GPD1L: variants seen among roughly 807,000 people sequenced by gnomAD.
The protein encoded by GPD1L is glycerol-3-phosphate dehydrogenase 1-like protein.
Under a neutral mutation model 32.9 loss-of-function variants are expected in GPD1L, and 17 were observed. The ratio of observed to expected loss-of-function variants is 0.52; its 90% CI spans 0.35 to 0.78. The LOEUF (loss-of-function observed/expected upper bound fraction) is 0.78. Ranked by LOEUF, GPD1L falls within the 30% of genes least tolerant of loss-of-function variation. The pLI is 0.01. For missense variants in GPD1L, 361 were observed against 447.8 expected (o/e 0.81, Z 1.75); for synonymous variants, 187 against 165.9 (o/e 1.13, Z -0.98).
In GPD1L at chr3:32,166,629, A is replaced by C. The variant is rs11923184; in HGVS notation, c.*719A>C. ...TGGCACATTCTTCTGATTAACAGAC[A>C]CTTGTATGATGCTTTAGGCTAGTTA... On this transcript the variant is annotated 3_prime_UTR_variant, in exon 8 of 8. Coordinates refer to ENST00000282541, the MANE Select transcript of GPD1L (RefSeq NM_015141.4). 0.098 allele frequency: 15,093 copies of C among 153,382 alleles called. 824 individuals carry two copies. Among genetic ancestry groups the C allele is most frequent in the South Asian group, 0.12 (566 of 4,880 alleles). The allele number at this position is 153,382 out of a possible 1,614,324, so 9.5% of individuals were successfully genotyped here.
chr3:32,131,355 T>C (rs1700585321), intron 2 of GPD1L, among the ~76,000 whole-genome samples: 1 of 152,192 alleles, frequency 6.6e-6, no homozygotes, highest in South Asian at 2.1e-4. Context: ...TTTTAACACA[T>C]TTTCATCACC....
intron 4 of GPD1L, among the ~76,000 whole-genome samples, 179 bp from the exon 5 acceptor site, chr3:32,146,443 A>G (rs1392295790): frequency 6.6e-6 from 1 of 152,154 alleles, no homozygotes; most frequent in Non-Finnish European, 1.5e-5. Flanking sequence ...ATTGTAAATG[A>G]TCACCTCGAT....
At chr3:32,152,796 C>G (rs1309933103) in intron 5 of GPD1L, among the ~76,000 whole-genome samples, 2 of 149,340 alleles carry the variant, frequency 1.3e-5, no homozygotes, top group African/African-American at 5.0e-5. Flanking sequence ...GCATCAATGT[C>G]ACATCTACCT....
At chr3:32,138,779 C>G in intron 3 of GPD1L, 52 bp downstream of exon 3, 1 of 1,550,470 alleles carries the variant, frequency 6.4e-7, no homozygotes, top group Non-Finnish European at 8.9e-7. Flanking sequence ...CAGGAAATTT[C>G]ATTTCCTCAC....
chr3:32,136,976 A>G (rs141097708), intron 2 of GPD1L, among the ~76,000 whole-genome samples: 1,672 of 152,344 alleles, frequency 0.011, 8 homozygotes, highest in Non-Finnish European at 0.017. Flanking sequence ...TGTAGCTGCA[A>G]GGACTGCTGG....
At chr3:32,119,311 A>G (rs929437691) in intron 1 of GPD1L, among the ~76,000 whole-genome samples, 10 of 152,230 alleles carry the variant, frequency 6.6e-5, no homozygotes, top group Non-Finnish European at 1.2e-4. Flanking sequence ...TAGCCATCTA[A>G]GTGGATCTGA....
chr3:32,116,078 G>A (rs1055169346), intron 1 of GPD1L, among the ~76,000 whole-genome samples: 2 of 151,992 alleles, frequency 1.3e-5, no homozygotes, highest in South Asian at 2.1e-4. Flanking sequence ...GTGAGCCACC[G>A]TGCCCGGCCA....
intron 2 of GPD1L, among the ~76,000 whole-genome samples, chr3:32,129,168 T>C (rs888460195): frequency 8.5e-5 from 13 of 152,156 alleles, no homozygotes; most frequent in African/African-American, 3.1e-4. Flanking sequence ...AAACAGACAG[T>C]TGTGGCTGTC....
At chr3:32,121,222 C>G (rs570988800) in intron 1 of GPD1L, among the ~76,000 whole-genome samples, 43 of 151,948 alleles carry the variant, frequency 2.8e-4, no homozygotes, top group Non-Finnish European at 5.3e-4. Context: ...CTTGCACTGT[C>G]TCCTCTTCTC....
intron 4 of GPD1L, 26 bp from the exon 5 acceptor site, chr3:32,146,596 A>T: frequency 7.8e-7 from 1 of 1,275,458 alleles, no homozygotes; most frequent in Non-Finnish European, 1.1e-6. Context: ...TGTTATTAAT[A>T]TCCTTGTTGT....
chr3:32,121,549 A>C lies in GPD1L; in HGVS notation c.48-6527A>C, dbSNP rs1343410141. Among the ~76,000 whole-genome samples, 52 of 135,912 alleles carry C rather than the reference A, an allele frequency of 3.8e-4. 6 individuals are homozygous for C. In the East Asian group the frequency reaches 4.2e-3, roughly 11 times the overall value. 89.2% of individuals were successfully genotyped at this position (135,912 alleles called of 152,430 possible). A position where few individuals can be genotyped will look rare whatever the true frequency, so the allele number is the denominator to read the frequency against. On this transcript the variant is annotated intron_variant, in intron 1 of 7. Transcript: ENST00000282541. ...TATATATTTCTATGTATATATTTCTATATATATATTTCTATGTATATATTT... is the reference window on the plus strand; with the variant it reads ...TATATATTTCTATGTATATATTTCTCTATATATATTTCTATGTATATATTT...
chr3:32,116,270 A>G (rs1030163320), intron 1 of GPD1L, among the ~76,000 whole-genome samples: 8 of 152,234 alleles, frequency 5.3e-5, no homozygotes, highest in South Asian at 2.1e-4. Flanking sequence ...ATAAATTTGC[A>G]TTATCACATA....
intron 2 of GPD1L, among the ~76,000 whole-genome samples, chr3:32,133,697 G>A (rs145515157): frequency 1.5e-3 from 222 of 152,240 alleles, no homozygotes; most frequent in African/African-American, 5.3e-3. Flanking sequence ...CCATAAAATA[G>A]CATCTTTGGA....
chr3:32,123,851 T>C lies in GPD1L; in HGVS notation c.48-4225T>C, dbSNP rs111877551. Among the ~76,000 whole-genome samples the C allele has an allele frequency of 8.9e-3, 1,094 of 122,978 alleles. 5 individuals are homozygous for C. Among genetic ancestry groups the C allele is most frequent in the Middle Eastern group, 0.023 (5 of 218 alleles). The allele number at this position is 122,978 out of a possible 152,430, so 80.7% of individuals were successfully genotyped here. A position where few individuals can be genotyped will look rare whatever the true frequency, so the allele number is the denominator to read the frequency against. On this transcript the variant is annotated intron_variant, in intron 1 of 7. Coordinates refer to ENST00000282541, the MANE Select transcript of GPD1L (RefSeq NM_015141.4). ...ATAGATAGATAGATAGACAGACAGA[T>C]AAGACCCATGCCTGACTATGCTTGT...
At chr3:32,109,938 G>GAAA (rs1382344842) in intron 1 of GPD1L, among the ~76,000 whole-genome samples, 5 of 152,242 alleles carry the variant, frequency 3.3e-5, no homozygotes, top group African/African-American at 1.2e-4. Flanking sequence ...TTTTTCTTGA[G>GAAA]ACGGAGTCTC....
intron 5 of GPD1L, chr3:32,151,148 G>A (rs1700914224): frequency 3.7e-6 from 2 of 547,704 alleles, no homozygotes; most frequent in Non-Finnish European, 7.1e-6. Context: ...TTCCCACAAA[G>A]TGCGCTTCTC....
intron 5 of GPD1L, among the ~76,000 whole-genome samples, chr3:32,152,874 C>T (rs1575120296): frequency 6.6e-6 from 1 of 150,754 alleles, no homozygotes; most frequent in South Asian, 2.1e-4. Context: ...ACAAAGAGCA[C>T]GTGGCAGCTA....
At position 32,142,429 on chromosome 3, in the gene GPD1L, T is replaced by A. The variant is rs540015444; in HGVS notation, c.505+2063T>A. Among the ~76,000 whole-genome samples, 3 of 152,338 alleles carry A rather than the reference T, an allele frequency of 2.0e-5. No homozygotes were observed. The East Asian group carries it at 5.8e-4, about 29-fold the overall frequency. ...ACCGCGCCCGGCTGATTTCATTCTTTTTTAATGGCTTTTACTATTAGCAGT... is the reference window on the plus strand; with the variant it reads ...ACCGCGCCCGGCTGATTTCATTCTTATTTAATGGCTTTTACTATTAGCAGT... On this transcript the variant is annotated intron_variant, in intron 4 of 7. Coordinates refer to ENST00000282541, the MANE Select transcript of GPD1L (RefSeq NM_015141.4).
chr3:32,151,230 T>C (rs1288229998), intron 5 of GPD1L: 2 of 596,368 alleles, frequency 3.4e-6, no homozygotes, highest in Non-Finnish European at 6.4e-6. Context: ...TTTCTGATCA[T>C]TTTCCTTCAT....
Sources: gnomAD v4.1 joint callset for allele counts (sites outside exome capture counted in the v4.1 genomes callset) on GRCh38, gnomAD v4.1.1 for gene constraint, MANE v1.5 for transcripts, NCBI Gene and HGNC (gene_info 2026-07-23, HGNC 2026-07-21) for gene names.